The following FASTKD2 variants were observed in gnomAD, a reference collection of about 807,000 sequenced individuals.
The protein encoded by FASTKD2 is FAST kinase domain-containing protein 2, mitochondrial.
Under a neutral mutation model 63.6 loss-of-function variants are expected in FASTKD2, and 51 were observed. The ratio of observed to expected loss-of-function variants is 0.80; its 90% CI spans 0.64 to 1.01. FASTKD2 has a LOEUF of 1.01. Among genes scored for constraint, FASTKD2 ranks in the 50% least tolerant of loss-of-function variants. The pLI, the probability that FASTKD2 is intolerant of heterozygous loss-of-function variation, is 0.00. For synonymous variants in FASTKD2, 284 were observed against 293.4 expected, an observed-to-expected ratio of 0.97 and a Z score of 0.33; for missense variants, 786 against 831.1, an observed-to-expected ratio of 0.95 and a Z score of 0.67.
intron 7 of FASTKD2, among the ~76,000 whole-genome samples, chr2:206,779,706 C>T (rs1489604572): frequency 6.6e-6 from 1 of 152,186 alleles, no homozygotes; most frequent in Admixed American, 6.5e-5. Flanking sequence ...GGTGGGGATA[C>T]AGAGCCAAAC....
Position 206,766,112 on chromosome 2 carries a change from T to G in FASTKD2, c.-51+365T>G, listed in dbSNP as rs186519009. On this transcript the variant is annotated intron_variant, in intron 1 of 11. Coordinates refer to ENST00000402774, the MANE Select transcript of FASTKD2 (RefSeq NM_001136193.2). ...CCGTCTTTACAAAAAATACAAAAAT[T>G]AGCCGGGCGTGGTGGCATACGCCTG... Among the ~76,000 whole-genome samples the G allele has an allele frequency of 1.2e-3, 177 of 151,806 alleles. 1 individual carries two copies. Among genetic ancestry groups the G allele is most frequent in the Non-Finnish European group, 2.0e-3 (136 of 67,920 alleles).
At chr2:206,788,514 A>T (rs1394461464) in intron 9 of FASTKD2, among the ~76,000 whole-genome samples, 1 of 152,118 alleles carries the variant, frequency 6.6e-6, no homozygotes, top group Non-Finnish European at 1.5e-5. Flanking sequence ...CAGGTGGATC[A>T]CTGGAGCTCA....
intron 10 of FASTKD2, chr2:206,789,270 A>G (rs1291174876): frequency 5.5e-6 from 1 of 183,288 alleles, no homozygotes; most frequent in African/African-American, 2.4e-5. Context: ...ACAAAAATCA[A>G]ATACCCAATA....
chr2:206,770,509 C>T (rs1024879375), intron 3 of FASTKD2, among the ~76,000 whole-genome samples: 36 of 151,888 alleles, frequency 2.4e-4, no homozygotes, highest in Non-Finnish European at 4.4e-5. Flanking sequence ...TTTGGGAGGC[C>T]GAGGCAGGCG....
At chr2:206,781,691 C>A (rs1167694259) in intron 7 of FASTKD2, among the ~76,000 whole-genome samples, 1 of 129,178 alleles carries the variant, frequency 7.7e-6, no homozygotes, top group East Asian at 2.1e-4. Context: ...TTTTTTTTTT[C>A]CAGTATCAGG....
At chr2:206,766,259 C>CAAAAAAAAA (rs60933510) in intron 1 of FASTKD2, among the ~76,000 whole-genome samples, 1 of 55,976 alleles carries the variant, frequency 1.8e-5, no homozygotes, top group Non-Finnish European at 3.4e-5. Context: ...GACTTTGTCT[C>CAAAAAAAAA]AAAAAAAAAA....
Position 206,766,963 on chromosome 2 carries a change from T to G in FASTKD2, c.270T>G (p.Phe90Leu). ...DAFIFKSDVGFQTKGISTLTA... is the reference protein window; with the variant it reads ...DAFIFKSDVGLQTKGISTLTA... ...TCATTTTTAAATCAGATGTTGGCTT[T>G]CAAACAAAGGGCATAAGCACTCTAA... The change falls in exon 2 of 12, where the codon TTT becomes TTG. Residue 90 changes from phenylalanine to leucine, a missense_variant. By Grantham distance (22) the Phe-to-Leu change is conservative. Transcript: ENST00000402774. The G allele has an allele frequency of 6.2e-7, 1 of 1,608,076 alleles. No homozygotes were observed. Among genetic ancestry groups the G allele is most frequent in the Non-Finnish European group, 8.5e-7 (1 of 1,175,742 alleles).
chr2:206,770,060 C>T (rs1689627390), intron 2 of FASTKD2, 31 bp from the exon 3 acceptor site: 1 of 1,361,712 alleles, frequency 7.3e-7, no homozygotes, highest in South Asian at 1.2e-5. Context: ...GGCTCATCAC[C>T]TGTAGTGTTT....
chr2:206,777,923 C>T lies in FASTKD2; in HGVS notation c.1427+3526C>T, dbSNP rs555083584. On this transcript the variant is annotated intron_variant, in intron 7 of 11. Transcript: ENST00000402774. Reference sequence around the variant, plus strand: ...ATTTATTCATTTCTTCTTGATTATCCAATTTGTTGGCATACAGTTGTTCAT... The same window carrying T: ...ATTTATTCATTTCTTCTTGATTATCTAATTTGTTGGCATACAGTTGTTCAT... 5.3e-4 allele frequency among the ~76,000 whole-genome samples: 81 copies of T among 151,896 alleles called. 2 individuals are homozygous for T. The South Asian group carries it at 0.015, about 28-fold the overall frequency.
intron 2 of FASTKD2, among the ~76,000 whole-genome samples, chr2:206,767,805 G>A (rs1483439132): frequency 3.3e-5 from 5 of 152,210 alleles, no homozygotes; most frequent in Admixed American, 2.0e-4. Context: ...AGAGAATTTA[G>A]TCCATGGTAG....
intron 11 of FASTKD2, 195 bp downstream of exon 11, chr2:206,790,881 T>C (rs1288200969): frequency 1.7e-6 from 1 of 571,538 alleles, no homozygotes; most frequent in Admixed American, 2.6e-5. Context: ...AGCTGATTAC[T>C]GTCATTACTA....
intron 7 of FASTKD2, among the ~76,000 whole-genome samples, chr2:206,783,062 C>T (rs1311286721): frequency 6.6e-6 from 1 of 151,924 alleles, no homozygotes; most frequent in African/African-American, 2.4e-5. Context: ...AAGAGAACAT[C>T]TGATTGACTG....
intron 7 of FASTKD2, among the ~76,000 whole-genome samples, chr2:206,776,871 G>A (rs975601400): frequency 6.6e-5 from 10 of 151,990 alleles, no homozygotes; most frequent in East Asian, 1.9e-4. Flanking sequence ...CACTGAATCC[G>A]TAGACTGCCT....
chr2:206,780,859 C>G (rs1052232655), intron 7 of FASTKD2, among the ~76,000 whole-genome samples: 1 of 152,000 alleles, frequency 6.6e-6, no homozygotes, highest in Non-Finnish European at 1.5e-5. Context: ...TCAAATTCTC[C>G]GATTCTCTTT....
chr2:206,767,903 A>G (rs960140444), intron 2 of FASTKD2, among the ~76,000 whole-genome samples: 20 of 152,382 alleles, frequency 1.3e-4, no homozygotes, highest in African/African-American at 4.8e-4. Context: ...AGAGGATTGC[A>G]TGCCCTACTG....
chr2:206,772,224 G>A lies in FASTKD2; in HGVS notation c.1158G>A (p.Leu386=), dbSNP rs1296349021. ...GCPLRIMINI[L]QSCKDLQYHN... Reference sequence around the variant, plus strand: ...CTTTAAGAATAATGATCAACATATTGCAGTCCTGCAAAGACCTCCAGTACC... The same window carrying A: ...CTTTAAGAATAATGATCAACATATTACAGTCCTGCAAAGACCTCCAGTACC... The change falls in exon 6 of 12, where the codon TTG becomes TTA. Residue 386 remains leucine (L), a synonymous_variant. Transcript: ENST00000402774. 6.2e-7 allele frequency: 1 copy of A among 1,612,894 alleles called. No homozygotes were observed. The highest frequency in any genetic ancestry group is 8.5e-7 in the Non-Finnish European group (1 of 1,179,058).
At chr2:206,778,198 T>G (rs1689874226) in intron 7 of FASTKD2, among the ~76,000 whole-genome samples, 1 of 152,176 alleles carries the variant, frequency 6.6e-6, no homozygotes, top group Non-Finnish European at 1.5e-5. Context: ...TTGGGCCTAG[T>G]TTATTTGTCT....
chr2:206,782,030 G>A (rs575689566), intron 7 of FASTKD2, among the ~76,000 whole-genome samples: 89 of 152,276 alleles, frequency 5.8e-4, no homozygotes, highest in African/African-American at 2.1e-3. Context: ...GCTGTGCTGA[G>A]TGCAGGAAGC....
intron 7 of FASTKD2, among the ~76,000 whole-genome samples, chr2:206,782,718 C>T (rs1690023911): frequency 6.6e-6 from 1 of 152,258 alleles, no homozygotes; most frequent in East Asian, 1.9e-4. Flanking sequence ...TCAGCATTGC[C>T]ATTTGTTAGC....
Sources: gnomAD v4.1 joint callset for allele counts (sites outside exome capture counted in the v4.1 genomes callset) on GRCh38, gnomAD v4.1.1 for gene constraint, MANE v1.5 for transcripts, NCBI Gene and HGNC (gene_info 2026-07-23, HGNC 2026-07-21) for gene names.